LSAMP: variants seen among roughly 807,000 people sequenced by gnomAD.
LSAMP encodes the protein limbic system-associated membrane protein.
In LSAMP, 7 loss-of-function variants were observed where a neutral mutation model predicts 38.6. The observed-to-expected ratio is 0.18, with a 90% CI of 0.10 to 0.34. The LOEUF (loss-of-function observed/expected upper bound fraction) is 0.34. Ranked by LOEUF, LSAMP falls within the 10% of genes least tolerant of loss-of-function variation. The pLI is 1.00. For missense variants in LSAMP, 313 were observed against 420.0 expected (o/e 0.75, Z 2.23); for synonymous variants, 154 against 166.8 (o/e 0.92, Z 0.59).
At chr3:115,861,065 C>T (rs1241245975) in intron 3 of LSAMP, among the ~76,000 whole-genome samples, 1 of 60,144 alleles carries the variant, frequency 1.7e-5, no homozygotes, top group Non-Finnish European at 3.6e-5. Flanking sequence ...CTCCCTCCCT[C>T]CCTCTCTCCC....
At chr3:115,894,360 A>G (rs1221743681) in intron 3 of LSAMP, among the ~76,000 whole-genome samples, 3 of 152,010 alleles carry the variant, frequency 2.0e-5, no homozygotes, top group African/African-American at 4.8e-5. Flanking sequence ...GGCAAAGGGA[A>G]ATAAAGTATG....
intron 1 of LSAMP, among the ~76,000 whole-genome samples, chr3:116,096,214 G>C (rs1708223272): frequency 6.6e-6 from 1 of 152,190 alleles, no homozygotes; most frequent in African/African-American, 2.4e-5. Flanking sequence ...TCAGATTGTT[G>C]TAACTATTAA....
intron 6 of LSAMP, chr3:115,834,499 G>A (rs1279178696): frequency 5.4e-6 from 6 of 1,112,064 alleles, no homozygotes; most frequent in Non-Finnish European, 7.2e-6. Flanking sequence ...TGTGTGTTTT[G>A]CATGTTAAAG....
At chr3:116,075,683 G>T (rs1707725701) in intron 2 of LSAMP, among the ~76,000 whole-genome samples, 2 of 151,616 alleles carry the variant, frequency 1.3e-5, no homozygotes, top group African/African-American at 4.8e-5. Flanking sequence ...TGGGACTACA[G>T]GCCCACGCCA....
At chr3:116,103,497 G>T in intron 1 of LSAMP, among the ~76,000 whole-genome samples, 1 of 144,898 alleles carries the variant, frequency 6.9e-6, no homozygotes, top group African/African-American at 2.5e-5. Context: ...AAGAAAGACA[G>T]TGTACATATC....
chr3:115,814,089 A>T (rs900188024), intron 6 of LSAMP: 1 of 152,214 alleles, frequency 6.6e-6, no homozygotes, highest in Admixed American at 6.5e-5. Flanking sequence ...TCTGGTAAAC[A>T]TTCAGTAAAT....
chr3:116,399,250 C>T (rs1429937422), intron 1 of LSAMP, among the ~76,000 whole-genome samples: 3 of 151,998 alleles, frequency 2.0e-5, no homozygotes, highest in Admixed American at 6.5e-5. Flanking sequence ...TAAGAAAAGC[C>T]GTGATATGAT....
At chr3:116,230,588 C>T (rs1373519843) in intron 1 of LSAMP, among the ~76,000 whole-genome samples, 2 of 152,080 alleles carry the variant, frequency 1.3e-5, no homozygotes, top group African/African-American at 4.8e-5. Flanking sequence ...ATGTCACCTT[C>T]AATTAAACAG....
chr3:116,187,052 T>C (rs962804447), intron 1 of LSAMP, among the ~76,000 whole-genome samples: 15 of 152,164 alleles, frequency 9.9e-5, no homozygotes, highest in African/African-American at 3.6e-4. Flanking sequence ...ATTATGCTCT[T>C]ATCCTGATGT....
intron 3 of LSAMP, among the ~76,000 whole-genome samples, chr3:115,899,972 A>G (rs1043273067): frequency 2.0e-5 from 3 of 152,180 alleles, no homozygotes; most frequent in African/African-American, 7.2e-5. Context: ...AAGAAGTTGA[A>G]TGGCCTCTAT....
At chr3:115,977,608 A>C (rs1488914795) in intron 3 of LSAMP, among the ~76,000 whole-genome samples, 1 of 152,112 alleles carries the variant, frequency 6.6e-6, no homozygotes, top group East Asian at 1.9e-4. Context: ...GATTCTTGCA[A>C]GTCCAATCTA....
Position 116,202,966 on chromosome 3 carries a change from C to T in LSAMP, c.156-116410G>A, listed in dbSNP as rs144943358. On this transcript the variant is annotated intron_variant, in intron 1 of 6. Coordinates refer to ENST00000490035, the MANE Select transcript of LSAMP (RefSeq NM_002338.5). ...TCTTTGTTGCTGAAGTATATAAACA[C>T]GATTGATTTTTGTGTATTGATTTTG... Among the ~76,000 whole-genome samples the T allele has an allele frequency of 2.3e-3, 349 of 152,252 alleles. 3 individuals are homozygous for T. Among genetic ancestry groups the T allele is most frequent in the African/African-American group, 7.8e-3 (324 of 41,550 alleles).
At chr3:116,005,488 C>G (rs1940130058) in intron 3 of LSAMP, among the ~76,000 whole-genome samples, 1 of 152,092 alleles carries the variant, frequency 6.6e-6, no homozygotes, top group South Asian at 2.1e-4. Flanking sequence ...TTGGCAGAAC[C>G]ACACCTTTGA....
intron 1 of LSAMP, among the ~76,000 whole-genome samples, chr3:116,430,509 A>G (rs1373516197): frequency 6.6e-6 from 1 of 152,146 alleles, no homozygotes; most frequent in Non-Finnish European, 1.5e-5. Flanking sequence ...CTACTTAAAT[A>G]CTAAAATAGA....
At chr3:116,100,456 T>A (rs967171729) in intron 1 of LSAMP, among the ~76,000 whole-genome samples, 1 of 152,180 alleles carries the variant, frequency 6.6e-6, no homozygotes, top group African/African-American at 2.4e-5. Context: ...TTCTAATTTT[T>A]AAAAAATTAT....
intron 1 of LSAMP, among the ~76,000 whole-genome samples, chr3:116,380,068 TG>T (rs998308928): frequency 1.9e-4 from 29 of 152,196 alleles, no homozygotes; most frequent in African/African-American, 7.0e-4. Flanking sequence ...AGGCAGACCA[TG>T]GTTTAAAATT....
chr3:116,272,116 T>C (rs2046982156), intron 1 of LSAMP, among the ~76,000 whole-genome samples: 1 of 151,810 alleles, frequency 6.6e-6, no homozygotes, highest in Non-Finnish European at 1.5e-5. Context: ...ATACAGCATA[T>C]GTCTCACTAA....
intron 1 of LSAMP, among the ~76,000 whole-genome samples, chr3:116,395,323 T>G (rs898829742): frequency 2.6e-5 from 4 of 152,184 alleles, no homozygotes; most frequent in African/African-American, 9.7e-5. Flanking sequence ...CACCCTGAGA[T>G]GCACGGCACA....
chr3:116,145,222 C>CT (rs1304831149), intron 1 of LSAMP, among the ~76,000 whole-genome samples: 2 of 151,542 alleles, frequency 1.3e-5, no homozygotes, highest in South Asian at 2.1e-4. Flanking sequence ...TATCTATTTT[C>CT]TTTTTTTGAA....
Sources: allele counts gnomAD v4.1 joint callset (sites outside exome capture counted in the v4.1 genomes callset), GRCh38; gene constraint gnomAD v4.1.1; transcripts MANE v1.5; gene names NCBI Gene and HGNC (gene_info 2026-07-23, HGNC 2026-07-21).